Variants in SERINC5 observed in about 807,000 individuals in gnomAD.
The protein encoded by SERINC5 is chromosome 5 open reading frame 12.
SERINC5 carries 41 observed loss-of-function variants against 63.1 expected under a neutral mutation model. The observed-to-expected ratio is 0.65, with a 90% CI of 0.51 to 0.84. The LOEUF (loss-of-function observed/expected upper bound fraction) is 0.84, where lower values mean the gene tolerates loss of function less well. Among genes scored for constraint, SERINC5 ranks in the 40% least tolerant of loss-of-function variants. The pLI is 0.00. For missense variants in SERINC5, 523 were observed against 573.0 expected, an observed-to-expected ratio of 0.91 and a Z score of 0.89; for synonymous variants, 222 against 215.2, an observed-to-expected ratio of 1.03 and a Z score of -0.28.
intron 8 of SERINC5, 64 bp from the exon 9 acceptor site, chr5:80,151,012 G>A (rs910013237): frequency 1.6e-6 from 2 of 1,251,106 alleles, no homozygotes; most frequent in Non-Finnish European, 2.4e-6. Context: ...GAATGAAGGG[G>A]AAAGCCGGCT....
At chr5:80,151,485 G>C (rs1746175721) in intron 8 of SERINC5, among the ~76,000 whole-genome samples, 2 of 152,200 alleles carry the variant, frequency 1.3e-5, no homozygotes, top group Non-Finnish European at 2.9e-5. Flanking sequence ...TAAAATGTTA[G>C]ACAAATTGCC....
intron 5 of SERINC5, among the ~76,000 whole-genome samples, chr5:80,170,480 G>T (rs957294628): frequency 2.0e-5 from 3 of 152,166 alleles, no homozygotes; most frequent in Admixed American, 6.5e-5. Context: ...ATGGGCAGGT[G>T]GGGGGAGACA....
chr5:80,178,747 A>T (rs1748222024), intron 2 of SERINC5, among the ~76,000 whole-genome samples: 2 of 151,870 alleles, frequency 1.3e-5, no homozygotes, highest in South Asian at 4.2e-4. Flanking sequence ...CAAATAAAAA[A>T]TCAGAGACTT....
chr5:80,233,763 G>A (rs1580202897), intron 1 of SERINC5, among the ~76,000 whole-genome samples: 1 of 139,760 alleles, frequency 7.2e-6, no homozygotes. Flanking sequence ...AAAATGCTTT[G>A]TAAAGTTTAC....
In SERINC5 at chr5:80,251,054, A is replaced by G. The variant is rs559941970; in HGVS notation, c.27+4842T>C. The stretch of plus-strand genomic sequence containing the variant: ...GGCATTCAAGGCTTTGTTAATTAAC[A>G]TAACGGACATCAGAAATGAGTTTTA... On this transcript the variant is annotated intron_variant, in intron 1 of 11. Transcript: ENST00000507668. 7.6e-4 allele frequency among the ~76,000 whole-genome samples: 116 copies of G among 152,332 alleles called. No homozygotes were observed. In the South Asian group the frequency reaches 8.9e-3, roughly 12 times the overall value.
In SERINC5 at chr5:80,166,414, G is replaced by C. The variant is rs542551010; in HGVS notation, c.828C>G (p.Phe276Leu). The C allele has an allele frequency of 8.2e-6, 13 of 1,594,226 alleles. No homozygotes were observed. Among genetic ancestry groups the C allele is most frequent in the East Asian group, 4.5e-5 (2 of 44,084 alleles). Reference protein sequence around the residue: ...VISCYVTYLTFSALSSKPAEV... With the variant: ...VISCYVTYLTLSALSSKPAEV... ...CTGCAGGTTTGCTGGACAGAGCTGAGAAGGTGAGGTAGGTGACATAGCAGC... is the reference window on the plus strand; with the variant it reads ...CTGCAGGTTTGCTGGACAGAGCTGACAAGGTGAGGTAGGTGACATAGCAGC... Residue 276 changes from phenylalanine (F) to leucine (L), a missense_variant, in exon 7 of 12, where the codon TTC (phenylalanine) becomes TTG (leucine). Coordinates refer to ENST00000507668, the MANE Select transcript of SERINC5 (RefSeq NM_001174072.3).
intron 5 of SERINC5, among the ~76,000 whole-genome samples, chr5:80,170,612 G>T (rs1747585305): frequency 6.6e-6 from 1 of 152,138 alleles, no homozygotes; most frequent in Non-Finnish European, 1.5e-5. Flanking sequence ...TCTCCATTCT[G>T]ACTATGAACC....
chr5:80,137,153 A>AAC (rs1554058500), downstream of SERINC5, among the ~76,000 whole-genome samples: 2 of 134,356 alleles, frequency 1.5e-5, no homozygotes, highest in Non-Finnish European at 3.2e-5. Flanking sequence ...AAAAAAAAAA[A>AAC]AAAAAAAAAA....
At chr5:80,127,086 T>A (rs1249665638) in intron 11 of SERINC5, among the ~76,000 whole-genome samples, 1 of 152,182 alleles carries the variant, frequency 6.6e-6, no homozygotes, top group Non-Finnish European at 1.5e-5. Flanking sequence ...AAGAATTTTT[T>A]AAAAACCTCC....
At chr5:80,197,328 AG>A in intron 2 of SERINC5, among the ~76,000 whole-genome samples, 1 of 26,126 alleles carries the variant, frequency 3.8e-5, no homozygotes, top group East Asian at 1.6e-3. Context: ...AGAGAGAGAG[AG>A]AGAGAGAGAG....
At chr5:80,134,531 T>A (rs1745078575), downstream of SERINC5, among the ~76,000 whole-genome samples, 1 of 152,108 alleles carries the variant, frequency 6.6e-6, no homozygotes, top group Admixed American at 6.6e-5. Context: ...AAAACAAAGT[T>A]AAACTGTAAG....
At chr5:80,143,887 T>C (rs1745662707) in intron 11 of SERINC5, 77 bp from the exon 12 acceptor site, 1 of 1,473,766 alleles carries the variant, frequency 6.8e-7, no homozygotes, top group African/African-American at 1.4e-5. Context: ...CATCCATTTA[T>C]AATGTATAAT....
At chr5:80,121,169 G>A (rs746623683) in intron 11 of SERINC5, among the ~76,000 whole-genome samples, 2 of 152,196 alleles carry the variant, frequency 1.3e-5, no homozygotes, top group Admixed American at 6.5e-5. Context: ...TTACAGGCAT[G>A]AGCCAACGCA....
chr5:80,247,905 T>C (rs181413531), intron 1 of SERINC5, among the ~76,000 whole-genome samples: 12 of 152,290 alleles, frequency 7.9e-5, no homozygotes, highest in Non-Finnish European at 1.2e-4. Flanking sequence ...TGGAGTGCAG[T>C]GACACAACCA....
intron 1 of SERINC5, among the ~76,000 whole-genome samples, chr5:80,213,772 C>A: frequency 6.6e-6 from 1 of 152,158 alleles, no homozygotes; most frequent in East Asian, 1.9e-4. Flanking sequence ...ACCAAGCTCC[C>A]TGCCTCACCA....
intron 9 of SERINC5, 37 bp downstream of exon 9, chr5:80,150,845 T>G: frequency 1.4e-6 from 2 of 1,443,608 alleles, no homozygotes; most frequent in Non-Finnish European, 2.0e-6. Context: ...ATGGATCTTC[T>G]GAGATGAAGC....
At chr5:80,222,569 A>AGTGTGT (rs1014120974) in intron 1 of SERINC5, among the ~76,000 whole-genome samples, 1 of 132,072 alleles carries the variant, frequency 7.6e-6, no homozygotes. Flanking sequence ...TGAGTGTGTG[A>AGTGTGT]GTGTGTGTGT....
At chr5:80,249,141 C>A (rs1233239912) in intron 1 of SERINC5, among the ~76,000 whole-genome samples, 1 of 151,978 alleles carries the variant, frequency 6.6e-6, no homozygotes, top group Non-Finnish European at 1.5e-5. Context: ...GGTGAAACCC[C>A]GTCTCTACTA....
downstream of SERINC5, chr5:80,111,647 A>T (rs930204301): frequency 1.3e-5 from 2 of 152,140 alleles, no homozygotes; most frequent in African/African-American, 4.8e-5. Flanking sequence ...GTGGGTAAGG[A>T]GCCCTTGATG....
Sources: allele counts gnomAD v4.1 joint callset (sites outside exome capture counted in the v4.1 genomes callset), GRCh38; gene constraint gnomAD v4.1.1; transcripts MANE v1.5; gene names NCBI Gene and HGNC (gene_info 2026-07-23, HGNC 2026-07-21).